Variants in TRPM3 observed in about 807,000 individuals in gnomAD.
TRPM3 encodes long transient receptor potential channel 3.
TRPM3 carries 77 observed loss-of-function variants against 181.2 expected under a neutral mutation model. That is an observed-to-expected ratio of 0.42 (90% CI 0.35 to 0.51). TRPM3 has a LOEUF of 0.51. TRPM3 is among the 20% of genes least tolerant of loss of function. TRPM3 has a pLI of 0.01. For synonymous variants in TRPM3, 745 were observed against 796.4 expected, an observed-to-expected ratio of 0.94 and a Z score of 1.09; for missense variants, 1,759 against 2,196.7, an observed-to-expected ratio of 0.80 and a Z score of 3.98.
chr9:71,213,104 A>G (rs1367477341), intron 1 of TRPM3, among the ~76,000 whole-genome samples: 1 of 152,230 alleles, frequency 6.6e-6, no homozygotes, highest in Non-Finnish European at 1.5e-5. Context: ...GCTAGGAAAT[A>G]TTTAAGCTTT....
intron 1 of TRPM3, among the ~76,000 whole-genome samples, chr9:71,161,442 A>G (rs1587714241): frequency 6.6e-6 from 1 of 152,146 alleles, no homozygotes; most frequent in Non-Finnish European, 1.5e-5. Context: ...AAGGACCCAT[A>G]TCAGATTATT....
intron 12 of TRPM3, among the ~76,000 whole-genome samples, chr9:70,626,343 T>A (rs2064607184): frequency 1.3e-5 from 2 of 152,140 alleles, no homozygotes; most frequent in African/African-American, 4.8e-5. Flanking sequence ...GAGCGCTCTA[T>A]ACCATGAATG....
At chr9:70,800,517 G>A (rs985389060) in intron 6 of TRPM3, among the ~76,000 whole-genome samples, 1 of 152,074 alleles carries the variant, frequency 6.6e-6, no homozygotes, top group African/African-American at 2.4e-5. Context: ...CTTATATGTA[G>A]ATTTTCTTCT....
At chr9:70,582,361 CT>C (rs796426998) in intron 22 of TRPM3, among the ~76,000 whole-genome samples, 6 of 152,178 alleles carry the variant, frequency 3.9e-5, no homozygotes, top group African/African-American at 9.6e-5. Context: ...TTTTTGTTTG[CT>C]TGATTGATTG....
chr9:71,368,021 C>A (rs2092395170), intron 1 of TRPM3, among the ~76,000 whole-genome samples: 1 of 151,976 alleles, frequency 6.6e-6, no homozygotes, highest in South Asian at 2.1e-4. Context: ...TATGTGTACA[C>A]ACACACATAT....
intron 1 of TRPM3, among the ~76,000 whole-genome samples, chr9:70,886,572 G>A (rs2096086082): frequency 6.6e-6 from 1 of 152,224 alleles, no homozygotes; most frequent in Non-Finnish European, 1.5e-5. Flanking sequence ...GTTTGAAGGT[G>A]AAGTAAGGAC....
At chr9:70,865,794 C>G (rs1174563600) in intron 1 of TRPM3, among the ~76,000 whole-genome samples, 1 of 151,984 alleles carries the variant, frequency 6.6e-6, no homozygotes, top group African/African-American at 2.4e-5. Context: ...TTGAGGGGCA[C>G]AAAGAAACTG....
intron 5 of TRPM3, among the ~76,000 whole-genome samples, chr9:70,837,980 T>C (rs115625355): frequency 0.017 from 2,597 of 152,284 alleles, 81 homozygotes; most frequent in African/African-American, 0.058. Flanking sequence ...ATACATACCT[T>C]GTAAAACTAA....
At chr9:71,436,858 T>C (rs1454001700) in intron 1 of TRPM3, among the ~76,000 whole-genome samples, 1 of 152,242 alleles carries the variant, frequency 6.6e-6, no homozygotes, top group Non-Finnish European at 1.5e-5. Flanking sequence ...ACTAAGTTTG[T>C]AGTAATTTCT....
At chr9:71,251,186 T>C (rs79034681) in intron 1 of TRPM3, among the ~76,000 whole-genome samples, 1,745 of 152,308 alleles carry the variant, frequency 0.011, 27 homozygotes, top group East Asian at 0.075. Flanking sequence ...TCATTAATAT[T>C]GGTGGATGGC....
chr9:70,861,204 C>T (rs563649843), intron 3 of TRPM3, among the ~76,000 whole-genome samples: 1 of 152,204 alleles, frequency 6.6e-6, no homozygotes, highest in East Asian at 1.9e-4. Flanking sequence ...ATTCATTTTC[C>T]ATTAAAACTA....
intron 25 of TRPM3, among the ~76,000 whole-genome samples, chr9:70,545,011 C>T (rs1455780834): frequency 6.6e-6 from 1 of 152,044 alleles, no homozygotes; most frequent in Non-Finnish European, 1.5e-5. Context: ...CATATATGCC[C>T]CTCAATAACT....
chr9:70,946,457 AT>A (rs1446062989), intron 1 of TRPM3, among the ~76,000 whole-genome samples: 4,734 of 151,650 alleles, frequency 0.031, 270 homozygotes, highest in African/African-American at 0.11. Flanking sequence ...AATAATAATA[AT>A]AATAACAGCA....
chr9:71,145,359 G>T (rs2075347174), intron 1 of TRPM3, among the ~76,000 whole-genome samples: 1 of 152,160 alleles, frequency 6.6e-6, no homozygotes, highest in Non-Finnish European at 1.5e-5. Flanking sequence ...AAGGGCTTCT[G>T]CTGCCCTTTC....
intron 1 of TRPM3, among the ~76,000 whole-genome samples, chr9:71,189,748 C>T (rs914526278): frequency 2.0e-5 from 3 of 151,788 alleles, no homozygotes; most frequent in African/African-American, 7.3e-5. Context: ...CTCCTTTTTC[C>T]TTCCCACAAC....
chr9:71,399,067 T>A (rs1565533910), intron 1 of TRPM3, among the ~76,000 whole-genome samples: 2 of 152,052 alleles, frequency 1.3e-5, no homozygotes, highest in South Asian at 4.1e-4. Context: ...ATTTATCTTC[T>A]AAAAAAATCA....
intron 1 of TRPM3, among the ~76,000 whole-genome samples, chr9:71,361,409 T>C (rs1251050624): frequency 1.3e-5 from 2 of 151,960 alleles, no homozygotes; most frequent in African/African-American, 4.8e-5. Flanking sequence ...TAGGTGGAGA[T>C]CAAGGAAGAA....
At chr9:71,100,086 A>G (rs1304603450) in intron 1 of TRPM3, among the ~76,000 whole-genome samples, 1 of 152,156 alleles carries the variant, frequency 6.6e-6, no homozygotes, top group Non-Finnish European at 1.5e-5. Context: ...CTCAAGGGAT[A>G]GATATATTTC....
chr9:71,312,814 A>G (rs909747844), intron 1 of TRPM3, among the ~76,000 whole-genome samples: 2 of 152,158 alleles, frequency 1.3e-5, no homozygotes, highest in African/African-American at 4.8e-5. Flanking sequence ...ACATTATTAT[A>G]TGATTCCAGC....
Sources: gnomAD v4.1 joint callset for allele counts (sites outside exome capture counted in the v4.1 genomes callset) on GRCh38, gnomAD v4.1.1 for gene constraint, MANE v1.5 for transcripts, NCBI Gene and HGNC (gene_info 2026-07-23, HGNC 2026-07-21) for gene names.